Variants in LARP4B observed in about 807,000 individuals in gnomAD.
The protein encoded by LARP4B is La ribonucleoprotein 4B, also known as la-related protein 4B.
In LARP4B, 12 loss-of-function variants were observed where a neutral mutation model predicts 89.8. The ratio of observed to expected loss-of-function variants is 0.13; its 90% CI spans 0.09 to 0.22. The LOEUF (loss-of-function observed/expected upper bound fraction) is 0.22. Ranked by LOEUF, LARP4B falls within the 10% of genes least tolerant of loss-of-function variation. The probability of loss-of-function intolerance (pLI) is 1.00; values close to 1 mark genes in which losing one functional copy is unlikely to be tolerated. For synonymous variants in LARP4B, 367 were observed against 363.3 expected, an observed-to-expected ratio of 1.01 and a Z score of -0.12; for missense variants, 757 against 947.7, an observed-to-expected ratio of 0.80 and a Z score of 2.64.
chr10:920,583 G>C (rs1836951318), intron 1 of LARP4B, among the ~76,000 whole-genome samples: 6 of 152,076 alleles, frequency 3.9e-5, no homozygotes, highest in Admixed American at 3.3e-4. Context: ...AGACCAGCCT[G>C]GCCAATATGG....
chr10:838,258 G>A (rs1358887146), intron 7 of LARP4B, among the ~76,000 whole-genome samples: 2 of 152,072 alleles, frequency 1.3e-5, no homozygotes, highest in Non-Finnish European at 2.9e-5. Flanking sequence ...CACACTAAAG[G>A]CATGATCCAT....
intron 2 of LARP4B, 81 bp from the exon 3 acceptor site, chr10:884,587 A>C (rs1470530733): frequency 2.3e-6 from 2 of 854,294 alleles, no homozygotes; most frequent in Non-Finnish European, 3.8e-6. Flanking sequence ...TAATTAGGCA[A>C]AACTAAACCC....
the LARP4B span, among the ~76,000 whole-genome samples, chr10:962,595 T>C: frequency 6.6e-6 from 1 of 152,184 alleles, no homozygotes; most frequent in Non-Finnish European, 1.5e-5. Context: ...ACAAATCCTG[T>C]GATTATGCAA....
the LARP4B span, among the ~76,000 whole-genome samples, chr10:957,389 C>T: frequency 2.0e-5 from 3 of 152,266 alleles, no homozygotes; most frequent in East Asian, 3.9e-4. Flanking sequence ...TGGTCTCAAA[C>T]TCCTGACCTC....
upstream of LARP4B, among the ~76,000 whole-genome samples, chr10:931,866 G>A (rs1160132365): frequency 6.6e-6 from 1 of 151,054 alleles, no homozygotes; most frequent in Non-Finnish European, 1.5e-5. Context: ...CCGACGCTCG[G>A]CCCGCCCCGC....
At chr10:968,808 C>T in the LARP4B span, among the ~76,000 whole-genome samples, 2 of 152,206 alleles carry the variant, frequency 1.3e-5, no homozygotes, top group East Asian at 1.9e-4. Context: ...TGGCTTCCTG[C>T]GCGACAGCAA....
Position 853,824 on chromosome 10 carries a change from T to G in LARP4B, c.431-8769A>C, listed in dbSNP as rs572791522. On this transcript the variant is annotated intron_variant, in intron 5 of 17. Transcript: ENST00000316157. ...GGATGGTGGCTGCTGAAAACTTGGG[T>G]GGCTGCGGCAATTTCTTAAGACAAC... Among the ~76,000 whole-genome samples the G allele has an allele frequency of 4.6e-5, 7 of 152,336 alleles. No individual in the cohort carries two copies. In the South Asian group the frequency reaches 6.2e-4, roughly 14 times the overall value.
chr10:834,565 C>A (rs1255323436), intron 8 of LARP4B, among the ~76,000 whole-genome samples: 1 of 152,174 alleles, frequency 6.6e-6, no homozygotes, highest in Non-Finnish European at 1.5e-5. Context: ...TATGTTCTTA[C>A]GTGGATTGTT....
intron 5 of LARP4B, among the ~76,000 whole-genome samples, chr10:852,466 A>T (rs919852755): frequency 5.9e-5 from 9 of 152,266 alleles, no homozygotes; most frequent in Non-Finnish European, 1.2e-4. Context: ...AACCAGGAAA[A>T]GAAGAGTGCC....
chr10:826,768 C>CA (rs1832647805), intron 11 of LARP4B, among the ~76,000 whole-genome samples: 1 of 151,784 alleles, frequency 6.6e-6, no homozygotes, highest in Admixed American at 6.6e-5. Context: ...ACTAAAGTGA[C>CA]AGAGATACGC....
At chr10:986,149 G>A in the LARP4B span, 4 of 152,180 alleles carry the variant, frequency 2.6e-5, no homozygotes, top group African/African-American at 4.8e-5. Context: ...TTACAGCAAC[G>A]AGAAGGTAAA....
chr10:974,700 T>TTCACAGTGTTTACAGAACCGCCCATTAGG, the LARP4B span, among the ~76,000 whole-genome samples: 2 of 152,214 alleles, frequency 1.3e-5, no homozygotes, highest in African/African-American at 4.8e-5. Flanking sequence ...CAGACTGTAA[T>TTCACAGTGTTTACAGAACCGCCCATTAGG]CGGTTCTGTG....
At chr10:934,730 A>C (rs1241195009), upstream of LARP4B, among the ~76,000 whole-genome samples, 5 of 152,106 alleles carry the variant, frequency 3.3e-5, no homozygotes, top group Non-Finnish European at 4.4e-5. Flanking sequence ...CTTTAGTATA[A>C]ATTTCTCAAA....
Position 885,697 on chromosome 10 carries a change from C to G in LARP4B, c.25G>C (p.Val9Leu), listed in dbSNP as rs941682595. 1 of 1,614,026 alleles carries G rather than the reference C, an allele frequency of 6.2e-7. No homozygotes were observed. Among genetic ancestry groups the G allele is most frequent in the South Asian group, 1.1e-5 (1 of 91,080 alleles). Reference sequence around the variant, plus strand: ...CTCTGCGTCTGCGGTTCAGCCACAACCTTAGCGTCCTGATCAGAAGTCATG... The same window carrying G: ...CTCTGCGTCTGCGGTTCAGCCACAAGCTTAGCGTCCTGATCAGAAGTCATG... MTSDQDAK[V>L]VAEPQTQRVQ... Residue 9 changes from valine (V) to leucine (L), a missense_variant, in exon 2 of 18, where the codon GTT becomes CTT. Physicochemically the swap from Val to Leu is conservative, Grantham distance 32. This residue lies in a region of LARP4B where 175 missense variants were observed against 187.0 expected (regional missense o/e 0.94). Transcript: ENST00000316157.
chr10:911,880 C>G (rs970242652), intron 1 of LARP4B, among the ~76,000 whole-genome samples: 11 of 152,164 alleles, frequency 7.2e-5, no homozygotes, highest in African/African-American at 2.7e-4. Context: ...GTGAAAGCTG[C>G]AGTTTGGGAA....
intron 8 of LARP4B, among the ~76,000 whole-genome samples, chr10:834,959 G>A (rs945758049): frequency 6.6e-6 from 1 of 150,588 alleles, no homozygotes; most frequent in Admixed American, 6.6e-5. Flanking sequence ...AGAAGCACTC[G>A]AACCTGGGAG....
At chr10:863,718 A>G (rs760905143) in intron 5 of LARP4B, 25 bp downstream of exon 5, 3 of 1,568,048 alleles carry the variant, frequency 1.9e-6, no homozygotes, top group Non-Finnish European at 2.6e-6. Context: ...TTCCCTGGGA[A>G]AATGCACCCA....
At chr10:870,122 T>C (rs1835127238) in intron 3 of LARP4B, 11 of 765,446 alleles carry the variant, frequency 1.4e-5, no homozygotes, top group Non-Finnish European at 1.7e-5. Flanking sequence ...TGGCTTATGG[T>C]GCAGATCCTC....
intron 5 of LARP4B, among the ~76,000 whole-genome samples, chr10:848,761 A>G (rs968900110): frequency 2.0e-5 from 3 of 152,104 alleles, no homozygotes; most frequent in Non-Finnish European, 2.9e-5. Context: ...TGCGGACAAC[A>G]TCGAGCAGCT....
Sources: allele counts gnomAD v4.1 joint callset (sites outside exome capture counted in the v4.1 genomes callset), GRCh38; gene constraint gnomAD v4.1.1; regional missense constraint gnomAD v4.1.1; transcripts MANE v1.5; gene names NCBI Gene and HGNC (gene_info 2026-07-23, HGNC 2026-07-21).